ESR1: variants seen among roughly 807,000 people sequenced by gnomAD.
The protein encoded by ESR1 is estrogen receptor.
Under a neutral mutation model 52.7 loss-of-function variants are expected in ESR1, and 12 were observed. The observed-to-expected ratio is 0.23, with a 90% confidence interval of 0.15 to 0.37. The LOEUF (loss-of-function observed/expected upper bound fraction) is 0.37, where lower values mean the gene tolerates loss of function less well. ESR1 is among the 10% of genes least tolerant of loss of function. ESR1 has a pLI of 1.00. For synonymous variants in ESR1, 305 were observed against 316.8 expected, an observed-to-expected ratio of 0.96 and a Z score of 0.39; for missense variants, 584 against 779.7, an observed-to-expected ratio of 0.75 and a Z score of 2.99.
upstream of ESR1, among the ~76,000 whole-genome samples, chr6:151,802,247 G>A (rs904221903): frequency 1.3e-5 from 2 of 152,140 alleles, no homozygotes; most frequent in Admixed American, 1.3e-4. Flanking sequence ...TTGTGAAAAT[G>A]AGCAGAAACT....
chr6:152,029,660 T>A (rs2044495554), intron 5 of ESR1, among the ~76,000 whole-genome samples: 1 of 152,126 alleles, frequency 6.6e-6, no homozygotes, highest in South Asian at 2.1e-4. Context: ...CAAATCTACG[T>A]CTGATTGGTG....
chr6:151,780,153 A>G (rs1786410116), intron 2 of ESR1, among the ~76,000 whole-genome samples: 1 of 152,020 alleles, frequency 6.6e-6, no homozygotes, highest in South Asian at 2.1e-4. Context: ...CACAAGTTCT[A>G]TAATGAGAAC....
At chr6:151,927,418 A>T (rs543126106) in intron 3 of ESR1, among the ~76,000 whole-genome samples, 29 of 152,270 alleles carry the variant, frequency 1.9e-4, no homozygotes, top group African/African-American at 1.7e-4. Context: ...AATTGGCACA[A>T]TTTCTTTCTT....
At chr6:151,734,230 G>T (rs1782466241) in intron 2 of ESR1, among the ~76,000 whole-genome samples, 1 of 152,194 alleles carries the variant, frequency 6.6e-6, no homozygotes, top group Non-Finnish European at 1.5e-5. Flanking sequence ...CCATGCAACA[G>T]GCCTGGCTGC....
intron 2 of ESR1, among the ~76,000 whole-genome samples, chr6:151,760,673 G>A (rs531565928): frequency 4.1e-4 from 63 of 152,188 alleles, no homozygotes; most frequent in East Asian, 9.7e-4. Context: ...TGAGTCCTCC[G>A]AGGCGAGTTG....
chr6:151,675,683 T>G (rs1214335732), intron 1 of ESR1, among the ~76,000 whole-genome samples: 1 of 152,222 alleles, frequency 6.6e-6, no homozygotes, highest in Non-Finnish European at 1.5e-5. Context: ...TACCACTGTT[T>G]TGCACTTACC....
intron 6 of ESR1, among the ~76,000 whole-genome samples, chr6:152,081,316 G>C (rs1285076723): frequency 6.6e-6 from 1 of 152,106 alleles, no homozygotes; most frequent in Admixed American, 6.5e-5. Flanking sequence ...TCAGGATTAA[G>C]AAACTGACTC....
At chr6:151,977,963 G>GAAAAAAAAAAAAA (rs5880951) in intron 4 of ESR1, among the ~76,000 whole-genome samples, 33 of 118,344 alleles carry the variant, frequency 2.8e-4, no homozygotes, top group African/African-American at 4.5e-4. Flanking sequence ...AAAAAAAAAA[G>GAAAAAAAAAAAAA]AAAAAAAAAA....
chr6:151,693,809 G>A (rs1779122006), intron 1 of ESR1, among the ~76,000 whole-genome samples: 1 of 152,122 alleles, frequency 6.6e-6, no homozygotes, highest in South Asian at 2.1e-4. Context: ...GTAGAGACGG[G>A]GTTTTACCAT....
chr6:151,923,818 A>C (rs188046850), intron 3 of ESR1, among the ~76,000 whole-genome samples: 8 of 152,338 alleles, frequency 5.3e-5, no homozygotes, highest in Non-Finnish European at 1.0e-4. Context: ...TTAGTTGGGT[A>C]AATATCTAGG....
intron 3 of ESR1, among the ~76,000 whole-genome samples, chr6:151,920,698 G>A (rs191401371): frequency 6.6e-6 from 1 of 152,044 alleles, no homozygotes; most frequent in East Asian, 1.9e-4. Flanking sequence ...TTTTCCTCAT[G>A]GTTTGACTGG....
intron 2 of ESR1, among the ~76,000 whole-genome samples, chr6:151,795,879 G>A (rs1776648605): frequency 6.6e-6 from 1 of 152,138 alleles, no homozygotes; most frequent in Admixed American, 6.5e-5. Context: ...GCCGGGTGCG[G>A]TGGCTCACGC....
chr6:151,893,017 C>G (rs564415209), intron 3 of ESR1, among the ~76,000 whole-genome samples: 1 of 152,084 alleles, frequency 6.6e-6, no homozygotes, highest in Non-Finnish European at 1.5e-5. Context: ...GGTGAAACCC[C>G]GTCTCTACTA....
At chr6:152,033,036 G>A (rs2044878562) in intron 5 of ESR1, among the ~76,000 whole-genome samples, 1 of 152,128 alleles carries the variant, frequency 6.6e-6, no homozygotes, top group South Asian at 2.1e-4. Context: ...AACAAGAAAT[G>A]GGGAAAGGAT....
intron 4 of ESR1, among the ~76,000 whole-genome samples, chr6:151,975,334 TC>T (rs1431844189): frequency 3.3e-5 from 5 of 151,832 alleles, no homozygotes; most frequent in African/African-American, 7.3e-5. Flanking sequence ...CTTAGTAAAC[TC>T]CCCCCACTCT....
intron 4 of ESR1, among the ~76,000 whole-genome samples, chr6:151,963,945 A>G (rs2128607913): frequency 6.6e-6 from 1 of 152,238 alleles, no homozygotes; most frequent in South Asian, 2.1e-4. Context: ...CCTATTGTGT[A>G]TTCTTGGCAC....
At chr6:152,124,816 A>C (rs1211784919) in intron 6 of ESR1, among the ~76,000 whole-genome samples, 1 of 152,232 alleles carries the variant, frequency 6.6e-6, no homozygotes, top group Non-Finnish European at 1.5e-5. Context: ...ATTCATGTTG[A>C]GACAGGGCCT....
intron 1 of ESR1, among the ~76,000 whole-genome samples, chr6:151,676,978 C>G (rs1223416129): frequency 6.6e-6 from 1 of 151,974 alleles, no homozygotes; most frequent in African/African-American, 2.4e-5. Flanking sequence ...GGGAGAATAC[C>G]CAAAAGAGGT....
upstream of ESR1, among the ~76,000 whole-genome samples, chr6:151,686,895 T>A (rs1293266576): frequency 6.6e-6 from 1 of 152,168 alleles, no homozygotes; most frequent in African/African-American, 2.4e-5. Flanking sequence ...TAGCCAACCA[T>A]GCGGCTATAG....
Sources: allele counts gnomAD v4.1 joint callset (sites outside exome capture counted in the v4.1 genomes callset), GRCh38; gene constraint gnomAD v4.1.1; transcripts MANE v1.5; gene names NCBI Gene and HGNC (gene_info 2026-07-23, HGNC 2026-07-21).